Variants in LDLRAD4 observed in about 807,000 individuals in gnomAD.
LDLRAD4 encodes the protein low density lipoprotein receptor class A domain containing 4.
LDLRAD4 carries 5 observed loss-of-function variants against 17.0 expected under a neutral mutation model. The ratio of observed to expected loss-of-function variants is 0.29; its 90% CI spans 0.15 to 0.62. The LOEUF (loss-of-function observed/expected upper bound fraction) is 0.62, where lower values mean the gene tolerates loss of function less well. Among genes scored for constraint, LDLRAD4 ranks in the 20% least tolerant of loss-of-function variants. The pLI, the probability that LDLRAD4 is intolerant of heterozygous loss-of-function variation, is 0.84. For synonymous variants in LDLRAD4, 168 were observed against 171.8 expected, an observed-to-expected ratio of 0.98 and a Z score of 0.17; for missense variants, 340 against 424.7, an observed-to-expected ratio of 0.80 and a Z score of 1.75.
intron 1 of LDLRAD4, among the ~76,000 whole-genome samples, chr18:13,287,889 A>T (rs1262719563): frequency 6.6e-6 from 1 of 152,254 alleles, no homozygotes; most frequent in African/African-American, 2.4e-5. Context: ...ACCTTATCTC[A>T]CAAGAGGCAA....
At chr18:13,371,841 C>A (rs11875398) in intron 1 of LDLRAD4, among the ~76,000 whole-genome samples, 9,068 of 152,114 alleles carry the variant, frequency 0.06, 755 homozygotes, top group African/African-American at 0.19. Flanking sequence ...AATTTAGCAA[C>A]AAACATCTTT....
chr18:13,624,471 C>T (rs1325770142), intron 4 of LDLRAD4, among the ~76,000 whole-genome samples: 1 of 152,274 alleles, frequency 6.6e-6, no homozygotes, highest in African/African-American at 2.4e-5. Flanking sequence ...CCAGCAGCAC[C>T]TGCAGTCCCC....
At chr18:13,353,687 G>C (rs1450701252) in intron 1 of LDLRAD4, among the ~76,000 whole-genome samples, 1 of 152,182 alleles carries the variant, frequency 6.6e-6, no homozygotes, top group African/African-American at 2.4e-5. Flanking sequence ...TTGCAAATTA[G>C]GTCAGGTCTA....
In LDLRAD4 at chr18:13,634,672, G is replaced by A. The variant is rs1166507225; in HGVS notation, c.337-8687G>A. Among the ~76,000 whole-genome samples, 9 of 151,790 alleles carry A rather than the reference G, an allele frequency of 5.9e-5. 1 individual carries two copies. The highest frequency in any genetic ancestry group is 3.3e-4 in the Admixed American group (5 of 15,234). ...GCAGTGTACAGACTTCAGTGTAATCGCTTTTGAAATCCCAATGAGGCTTTT... is the reference window on the plus strand; with the variant it reads ...GCAGTGTACAGACTTCAGTGTAATCACTTTTGAAATCCCAATGAGGCTTTT... On this transcript the variant is annotated intron_variant, in intron 4 of 5. Coordinates refer to ENST00000359446, the Ensembl canonical transcript of LDLRAD4.
At chr18:13,501,781 G>T (rs993861051) in intron 3 of LDLRAD4, among the ~76,000 whole-genome samples, 1 of 152,122 alleles carries the variant, frequency 6.6e-6, no homozygotes, top group African/African-American at 2.4e-5. Context: ...GAATGGGGTG[G>T]GGGTTGGTTT....
intron 2 of LDLRAD4, among the ~76,000 whole-genome samples, chr18:13,424,665 C>T (rs1354243158): frequency 1.3e-5 from 2 of 152,174 alleles, no homozygotes; most frequent in African/African-American, 4.8e-5. Context: ...GAAGGCTTCA[C>T]AGTCTTGGCG....
At chr18:13,404,326 C>T (rs776884329) in intron 2 of LDLRAD4, among the ~76,000 whole-genome samples, 49 of 152,158 alleles carry the variant, frequency 3.2e-4, no homozygotes, top group Admixed American at 2.6e-3. Flanking sequence ...ACGGGACACT[C>T]GGAGGCCGGA....
chr18:13,508,100 A>C (rs964110638), intron 3 of LDLRAD4, among the ~76,000 whole-genome samples: 1 of 152,234 alleles, frequency 6.6e-6, no homozygotes, highest in Admixed American at 6.5e-5. Flanking sequence ...AGTGGTCTGG[A>C]TAGAAGGTCA....
chr18:13,238,078 TG>T (rs2042424729), intron 1 of LDLRAD4, among the ~76,000 whole-genome samples: 1 of 152,212 alleles, frequency 6.6e-6, no homozygotes, highest in Non-Finnish European at 1.5e-5. Flanking sequence ...CCCACAAGCT[TG>T]CTCTGAAAAT....
At chr18:13,356,214 C>T (rs1288562573) in intron 1 of LDLRAD4, among the ~76,000 whole-genome samples, 1 of 152,228 alleles carries the variant, frequency 6.6e-6, no homozygotes, top group African/African-American at 2.4e-5. Context: ...GGATCTGGGG[C>T]AGGCCACTGG....
chr18:13,575,941 AT>A (rs2094763317), intron 3 of LDLRAD4, among the ~76,000 whole-genome samples: 1 of 152,024 alleles, frequency 6.6e-6, no homozygotes, highest in Non-Finnish European at 1.5e-5. Context: ...TTTCTTGCTA[AT>A]TTGTTTGAGT....
chr18:13,570,224 A>G (rs1424361140), intron 3 of LDLRAD4, among the ~76,000 whole-genome samples: 1 of 152,226 alleles, frequency 6.6e-6, no homozygotes, highest in East Asian at 1.9e-4. Context: ...CTCGTCTGGG[A>G]CGGTCTGCAC....
intron 1 of LDLRAD4, among the ~76,000 whole-genome samples, chr18:13,263,180 T>G (rs1223769060): frequency 1.1e-4 from 11 of 99,306 alleles, no homozygotes; most frequent in East Asian, 6.7e-4. Context: ...GCTGAGTCCC[T>G]TGTGGCTCCG....
At chr18:13,396,446 G>A (rs1280471768) in intron 2 of LDLRAD4, among the ~76,000 whole-genome samples, 1 of 152,166 alleles carries the variant, frequency 6.6e-6, no homozygotes, top group Non-Finnish European at 1.5e-5. Context: ...CAATATAAAT[G>A]TTGTGTAAAT....
intron 1 of LDLRAD4, among the ~76,000 whole-genome samples, chr18:13,344,399 G>A (rs1292837319): frequency 2.0e-5 from 3 of 152,132 alleles, no homozygotes; most frequent in Admixed American, 6.5e-5. Flanking sequence ...TTGTAGATGC[G>A]TGGCATTATT....
At chr18:13,360,364 A>G (rs1335942923) in intron 1 of LDLRAD4, among the ~76,000 whole-genome samples, 1 of 152,254 alleles carries the variant, frequency 6.6e-6, no homozygotes, top group Non-Finnish European at 1.5e-5. Context: ...GTGCAGTGAG[A>G]TGAATCCAAG....
At chr18:13,307,384 T>C (rs1191001676) in intron 1 of LDLRAD4, among the ~76,000 whole-genome samples, 2 of 152,110 alleles carry the variant, frequency 1.3e-5, no homozygotes, top group Non-Finnish European at 2.9e-5. Context: ...ATACTAAATA[T>C]ATTTTCTCTT....
At chr18:13,232,573 C>CCCGTG (rs1272993468) in intron 1 of LDLRAD4, among the ~76,000 whole-genome samples, 3 of 152,016 alleles carry the variant, frequency 2.0e-5, no homozygotes, top group African/African-American at 7.3e-5. Context: ...CTGCTGCTGC[C>CCCGTG]CCGTGCTGTG....
chr18:13,552,367 T>A (rs1399866736), intron 3 of LDLRAD4, among the ~76,000 whole-genome samples: 2 of 152,240 alleles, frequency 1.3e-5, no homozygotes, highest in Non-Finnish European at 2.9e-5. Context: ...GCATGTCACT[T>A]CTTTCAAGGC....
Sources: allele counts gnomAD v4.1 joint callset (sites outside exome capture counted in the v4.1 genomes callset), GRCh38; gene constraint gnomAD v4.1.1; transcripts MANE v1.5; gene names NCBI Gene and HGNC (gene_info 2026-07-23, HGNC 2026-07-21).